The following CACNA2D3 variants were observed in gnomAD, a reference collection of about 807,000 sequenced individuals.
CACNA2D3 encodes voltage-dependent calcium channel subunit alpha-2/delta-3.
A neutral mutation model predicts 160.6 loss-of-function variants in CACNA2D3; 60 were observed. The ratio of observed to expected loss-of-function variants is 0.37; its 90% CI spans 0.30 to 0.46. The LOEUF is 0.46. Among genes scored for constraint, CACNA2D3 ranks in the 20% least tolerant of loss-of-function variants. The probability of loss-of-function intolerance (pLI) is 1.00; values close to 1 mark genes in which losing one functional copy is unlikely to be tolerated. For missense variants in CACNA2D3, 1,205 were observed against 1,365.0 expected, an observed-to-expected ratio of 0.88 and a Z score of 1.85; for synonymous variants, 558 against 492.9, an observed-to-expected ratio of 1.13 and a Z score of -1.75.
At chr3:54,424,976 C>G (rs1439835115) in intron 4 of CACNA2D3, among the ~76,000 whole-genome samples, 1 of 152,194 alleles carries the variant, frequency 6.6e-6, no homozygotes, top group Non-Finnish European at 1.5e-5. Flanking sequence ...AGAGAAGGAC[C>G]CCTGACCTGT....
chr3:54,866,134 A>G (rs1479247691), intron 17 of CACNA2D3, among the ~76,000 whole-genome samples: 3 of 151,928 alleles, frequency 2.0e-5, no homozygotes, highest in Non-Finnish European at 2.9e-5. Flanking sequence ...ATGCCCTCCA[A>G]GGCTTGCCCA....
intron 11 of CACNA2D3, among the ~76,000 whole-genome samples, chr3:54,729,850 T>G (rs1701351847): frequency 6.6e-6 from 1 of 151,774 alleles, no homozygotes; most frequent in African/African-American, 2.4e-5. Flanking sequence ...ATACAAAAAA[T>G]AAGCTGGGCG....
chr3:54,309,230 A>G (rs1703675337), intron 2 of CACNA2D3, among the ~76,000 whole-genome samples: 3 of 152,246 alleles, frequency 2.0e-5, no homozygotes, highest in African/African-American at 7.2e-5. Context: ...GGTTTAAAGC[A>G]TTATGTGATG....
chr3:55,073,095 T>G (rs189152400), intron 35 of CACNA2D3, among the ~76,000 whole-genome samples: 1 of 152,306 alleles, frequency 6.6e-6, no homozygotes, highest in Non-Finnish European at 1.5e-5. Context: ...GGGTAATGTT[T>G]AGGCTCTGGG....
At chr3:54,382,247 C>CCCCA (rs1484730071) in intron 3 of CACNA2D3, among the ~76,000 whole-genome samples, 1 of 152,172 alleles carries the variant, frequency 6.6e-6, no homozygotes, top group Non-Finnish European at 1.5e-5. Flanking sequence ...TAACAGTTTT[C>CCCCA]CCCAGGCTCA....
intron 33 of CACNA2D3, 84 bp from the exon 34 acceptor site, chr3:55,009,304 A>T: frequency 8.3e-7 from 1 of 1,200,844 alleles, no homozygotes; most frequent in South Asian, 1.2e-5. Context: ...GAGGTAAGCG[A>T]TGCCAAAGAA....
At chr3:54,467,063 T>C (rs1347943632) in intron 4 of CACNA2D3, among the ~76,000 whole-genome samples, 3 of 152,174 alleles carry the variant, frequency 2.0e-5, no homozygotes, top group African/African-American at 7.2e-5. Flanking sequence ...TATGTCGTCT[T>C]TGAGTGAGAA....
chr3:54,744,412 T>C (rs1297994202), intron 11 of CACNA2D3, among the ~76,000 whole-genome samples: 1 of 152,172 alleles, frequency 6.6e-6, no homozygotes, highest in African/African-American at 2.4e-5. Context: ...CCCTCATGAA[T>C]TTTATCTGAA....
At chr3:54,783,766 A>G (rs1391348992) in intron 13 of CACNA2D3, among the ~76,000 whole-genome samples, 2 of 152,126 alleles carry the variant, frequency 1.3e-5, no homozygotes, top group Non-Finnish European at 2.9e-5. Context: ...TCTCTGTGCT[A>G]TATTAAATGA....
intron 4 of CACNA2D3, among the ~76,000 whole-genome samples, chr3:54,472,958 C>G (rs889667284): frequency 6.6e-6 from 1 of 152,130 alleles, no homozygotes; most frequent in Non-Finnish European, 1.5e-5. Flanking sequence ...CCATAATGCC[C>G]AAAGTAATTT....
intron 2 of CACNA2D3, among the ~76,000 whole-genome samples, chr3:54,284,360 A>C (rs1176836104): frequency 1.3e-5 from 2 of 151,660 alleles, no homozygotes; most frequent in Non-Finnish European, 1.5e-5. Context: ...TTATAGTTTT[A>C]TAGGTTAGTT....
chr3:54,342,839 C>T (rs916471412), intron 3 of CACNA2D3, among the ~76,000 whole-genome samples: 1 of 152,232 alleles, frequency 6.6e-6, no homozygotes, highest in Non-Finnish European at 1.5e-5. Context: ...GGGCTGTAGC[C>T]ACCCAGCCAT....
chr3:54,294,475 A>G (rs1575376771), intron 2 of CACNA2D3, among the ~76,000 whole-genome samples: 1 of 151,806 alleles, frequency 6.6e-6, no homozygotes, highest in Admixed American at 6.6e-5. Context: ...CTTCCCTTTC[A>G]CTTGCTGCTG....
chr3:54,670,241 G>A (rs149787995), intron 11 of CACNA2D3, among the ~76,000 whole-genome samples: 30 of 152,292 alleles, frequency 2.0e-4, no homozygotes, highest in Non-Finnish European at 3.7e-4. Flanking sequence ...GCCACAGATT[G>A]TGAAGTTGGC....
intron 9 of CACNA2D3, among the ~76,000 whole-genome samples, chr3:54,585,170 G>A (rs1480688425): frequency 1.3e-5 from 2 of 152,062 alleles, no homozygotes; most frequent in Non-Finnish European, 2.9e-5. Context: ...AAGCAAAACT[G>A]GCCTAACACC....
chr3:54,176,220 C>T (rs1238700231), intron 2 of CACNA2D3, among the ~76,000 whole-genome samples: 1 of 152,222 alleles, frequency 6.6e-6, no homozygotes, highest in Admixed American at 6.5e-5. Context: ...TATGTGCATA[C>T]ATCCAACCAG....
At chr3:54,271,733 A>G (rs1575357885) in intron 2 of CACNA2D3, among the ~76,000 whole-genome samples, 1 of 152,302 alleles carries the variant, frequency 6.6e-6, no homozygotes, top group East Asian at 1.9e-4. Context: ...ATGCAGTTCC[A>G]AGGACCTACA....
intron 11 of CACNA2D3, among the ~76,000 whole-genome samples, chr3:54,736,074 C>CAT (rs1220937402): frequency 0.082 from 2,375 of 28,936 alleles, 232 homozygotes; most frequent in African/African-American, 0.2. Flanking sequence ...TATATATATA[C>CAT]ATATATATGT....
At chr3:54,277,704 A>G (rs924907269) in intron 2 of CACNA2D3, among the ~76,000 whole-genome samples, 9 of 152,178 alleles carry the variant, frequency 5.9e-5, no homozygotes, top group African/African-American at 1.4e-4. Flanking sequence ...CATTGAATCT[A>G]TAAATTACTT....
Sources: gnomAD v4.1 joint callset for allele counts (sites outside exome capture counted in the v4.1 genomes callset) on GRCh38, gnomAD v4.1.1 for gene constraint, MANE v1.5 for transcripts, NCBI Gene and HGNC (gene_info 2026-07-23, HGNC 2026-07-21) for gene names.